The following GPRC5D variants were observed in gnomAD, a reference collection of about 807,000 sequenced individuals.
GPRC5D encodes the protein G protein-coupled receptor class C group 5 member D, also known as G protein-coupled receptor family C group 5 member D.
A neutral mutation model predicts 29.3 loss-of-function variants in GPRC5D; 20 were observed. The ratio of observed to expected loss-of-function variants is 0.68; its 90% CI spans 0.48 to 0.99. The LOEUF (loss-of-function observed/expected upper bound fraction) is 0.99. Ranked by LOEUF, GPRC5D falls within the 50% of genes least tolerant of loss-of-function variation. The pLI is 0.00. For synonymous variants in GPRC5D, 178 were observed against 171.3 expected, an observed-to-expected ratio of 1.04 and a Z score of -0.30; for missense variants, 384 against 423.6, an observed-to-expected ratio of 0.91 and a Z score of 0.82.
intron 1 of GPRC5D, among the ~76,000 whole-genome samples, chr12:12,943,399 G>A (rs1054344463): frequency 2.0e-5 from 3 of 152,192 alleles, no homozygotes; most frequent in African/African-American, 7.2e-5. Context: ...CCTACCTAGG[G>A]CCAAGTTCCT....
At position 12,948,825 on chromosome 12, in the gene GPRC5D, C is replaced by G. The variant is rs181164618; in HGVS notation, c.895+665G>C. Among the ~76,000 whole-genome samples the G allele has an allele frequency of 2.0e-3, 299 of 152,260 alleles. 2 individuals carry two copies. Among genetic ancestry groups the G allele is most frequent in the African/African-American group, 6.8e-3 (284 of 41,536 alleles). On this transcript the variant is annotated intron_variant, in intron 1 of 2. Coordinates refer to ENST00000228887, the Ensembl canonical transcript of GPRC5D. ...GACCCAGAAATTATTATGAAAATGTCACATAAGCAAGTTACTTTCTTTCTC... is the reference window on the plus strand; with the variant it reads ...GACCCAGAAATTATTATGAAAATGTGACATAAGCAAGTTACTTTCTTTCTC...
At position 12,944,824 on chromosome 12, in the gene GPRC5D, TCCTTCCTTCCTTCCTTCCTTCCTTCC is replaced by T. The variant is rs1863245951; in HGVS notation, c.896-2522_896-2497del. 1.9e-3 allele frequency among the ~76,000 whole-genome samples: 35 copies of T among 18,288 alleles called. 2 individuals carry two copies. Among genetic ancestry groups the T allele is most frequent in the Non-Finnish European group, 3.4e-3 (21 of 6,184 alleles). The allele number at this position is 18,288 out of a possible 152,430, so 12.0% of individuals were successfully genotyped here. On this transcript the variant is annotated intron_variant, in intron 1 of 2. Coordinates refer to ENST00000228887, the Ensembl canonical transcript of GPRC5D. Reference sequence around the variant, plus strand: ...TCCCTTCCTTCCTTCCTTCCTTCCTTCCTTCCTTCCTTCCTTCCTTCCTTCCTTCTTTCTTTCTTTCTTTCTTTCTT... The same window carrying T: ...TCCCTTCCTTCCTTCCTTCCTTCCTTTTCTTTCTTTCTTTCTTTCTTTCTT...
At chr12:12,940,756 A>G (rs951729405), downstream of GPRC5D, 5 of 1,520,752 alleles carry the variant, frequency 3.3e-6, no homozygotes, top group Non-Finnish European at 4.6e-6. Flanking sequence ...GGTTTTCTCC[A>G]CTTGTGTTTC....
In GPRC5D at chr12:12,949,471, G is replaced by C. The variant is rs1251228036; in HGVS notation, c.895+19C>G. 3 of 1,591,784 alleles carry C rather than the reference G, an allele frequency of 1.9e-6. No homozygotes were observed. The highest frequency in any genetic ancestry group is 3.4e-4 in the Middle Eastern group (2 of 5,940). ...CTGTAGGAGCACCTCCCTGCTCCCT[G>C]AATCCCCCAGGAATGTACCTCTGGA... On this transcript the variant is annotated intron_variant, in intron 1 of 2. Coordinates refer to ENST00000228887, the Ensembl canonical transcript of GPRC5D.
chr12:12,942,024 C>G (rs1317543342), intron 2 of GPRC5D, among the ~76,000 whole-genome samples: 1 of 152,214 alleles, frequency 6.6e-6, no homozygotes, highest in East Asian at 1.9e-4. Context: ...GCACTTGCAT[C>G]AGAATGCTAT....
At chr12:12,951,840 G>A (rs1214640478), upstream of GPRC5D, among the ~76,000 whole-genome samples, 1 of 152,126 alleles carries the variant, frequency 6.6e-6, no homozygotes, top group Non-Finnish European at 1.5e-5. Flanking sequence ...AATGCAGCAG[G>A]TTGTAGTTAA....
chr12:12,950,819 AC>A (rs1863478057), upstream of GPRC5D, among the ~76,000 whole-genome samples: 1 of 148,604 alleles, frequency 6.7e-6, no homozygotes, highest in Non-Finnish European at 1.5e-5. Flanking sequence ...AAAGCAAAAA[AC>A]AAGGCAGGGT....
At chr12:12,946,286 T>TC (rs1240402684) in intron 1 of GPRC5D, among the ~76,000 whole-genome samples, 1 of 86,720 alleles carries the variant, frequency 1.2e-5, no homozygotes, top group East Asian at 3.5e-4. Flanking sequence ...CTTCCTTCCT[T>TC]CCTTTCTTCC....
At position 12,949,688 on chromosome 12, in the gene GPRC5D, G is replaced by A. The variant is rs202240438; in HGVS notation, c.697C>T (p.Arg233Ter). The A allele has an allele frequency of 3.6e-5, 58 of 1,614,084 alleles. No homozygotes were observed. The highest frequency in any genetic ancestry group is 5.3e-5 in the African/African-American group (4 of 75,038). The change falls in exon 1 of 3, where the codon CGA becomes TGA. Residue 233 changes from arginine (R) to a stop codon, truncating the protein, a stop_gained. Coordinates refer to ENST00000228887, the Ensembl canonical transcript of GPRC5D. LOFTEE classifies it high-confidence loss of function. ...ACCGGGTCGTCCCACTGGGGCTGTC[G>A]CTGGAACTGCGGGTTGCCTCTCAGG...
chr12:12,940,906 T>A, intron 2 of GPRC5D, 57 bp from the exon 4 acceptor site: 1 of 1,160,346 alleles, frequency 8.6e-7, no homozygotes, highest in Non-Finnish European at 1.3e-6. Flanking sequence ...AATGATATTC[T>A]CCAAAGTTAT....
At chr12:12,940,774 T>C (rs781534430), downstream of GPRC5D, 6 of 1,583,606 alleles carry the variant, frequency 3.8e-6, no homozygotes, top group East Asian at 1.3e-4. Flanking sequence ...TTCCTGTAGA[T>C]TTATACTCCT....
chr12:12,947,817 A>G (rs145652432), intron 1 of GPRC5D, among the ~76,000 whole-genome samples: 170 of 152,276 alleles, frequency 1.1e-3, no homozygotes, highest in Middle Eastern at 6.8e-3. Flanking sequence ...TCGGCCTCCC[A>G]AAGTGCTTGG....
downstream of GPRC5D, chr12:12,940,706 C>T (rs766909381): frequency 5.6e-5 from 49 of 881,630 alleles, no homozygotes; most frequent in Admixed American, 1.0e-4. Flanking sequence ...TGTGGGCCCC[C>T]GTGGGCTATC....
intron 1 of GPRC5D, among the ~76,000 whole-genome samples, chr12:12,946,380 TTCTC>T (rs1458465187): frequency 7.0e-6 from 1 of 143,746 alleles, no homozygotes; most frequent in Non-Finnish European, 1.5e-5. Context: ...CTTTCTTTCT[TTCTC>T]TCTTTCTCTC....
At chr12:12,943,140 GAGACGATTCT>G (rs1863195599) in intron 1 of GPRC5D, among the ~76,000 whole-genome samples, 1 of 152,194 alleles carries the variant, frequency 6.6e-6, no homozygotes, top group Non-Finnish European at 1.5e-5. Context: ...GAGATCACTT[GAGACGATTCT>G]ATATTGTTGT....
At chr12:12,946,338 T>C (rs1863332486) in intron 1 of GPRC5D, among the ~76,000 whole-genome samples, 1 of 149,972 alleles carries the variant, frequency 6.7e-6, no homozygotes, top group South Asian at 2.1e-4. Context: ...TCTTTCTTTC[T>C]TTCTTTCTTT....
chr12:12,949,858 T>C (rs1863445317), exon 1 of GPRC5D: 6 of 1,614,084 alleles, frequency 3.7e-6, no homozygotes, highest in Non-Finnish European at 5.1e-6. Context: ...GAAGAGGACA[T>C]AGACCAGGAG....
chr12:12,946,183 A>C (rs967924020), intron 1 of GPRC5D, among the ~76,000 whole-genome samples: 1 of 152,002 alleles, frequency 6.6e-6, no homozygotes, highest in East Asian at 1.9e-4. Context: ...TCCACCCACT[A>C]TCTTTAGTTG....
upstream of GPRC5D, among the ~76,000 whole-genome samples, chr12:12,951,819 C>A (rs1050514706): frequency 3.3e-5 from 5 of 152,086 alleles, no homozygotes; most frequent in African/African-American, 1.2e-4. Context: ...TCAGTTAATT[C>A]AAGTCAATCC....
Sources: allele counts gnomAD v4.1 joint callset (sites outside exome capture counted in the v4.1 genomes callset), GRCh38; gene constraint gnomAD v4.1.1; transcripts MANE v1.5; gene names NCBI Gene and HGNC (gene_info 2026-07-23, HGNC 2026-07-21).